DCDC1: variants seen among roughly 807,000 people sequenced by gnomAD.
DCDC1 encodes doublecortin domain-containing protein 1.
In DCDC1, 200 loss-of-function variants were observed where a neutral mutation model predicts 178.3. That is an observed-to-expected ratio of 1.12 (90% confidence interval 1.00 to 1.26). DCDC1 has a LOEUF of 1.26. DCDC1 is among the 50% of genes most tolerant of loss of function. DCDC1 has a pLI of 0.00. For missense variants in DCDC1, 1,983 were observed against 1,749.2 expected (o/e 1.13, Z -2.38); for synonymous variants, 690 against 604.8 (o/e 1.14, Z -2.07).
intron 33 of DCDC1, 87 bp from the exon 34 acceptor site, chr11:30,899,729 A>G (rs1267736839): frequency 2.2e-5 from 21 of 948,224 alleles, no homozygotes; most frequent in Non-Finnish European, 3.1e-5. Flanking sequence ...GCTCAAAGAA[A>G]TAGATTCAAT....
At chr11:31,359,236 A>G (rs1031448932) in intron 1 of DCDC1, among the ~76,000 whole-genome samples, 1 of 152,206 alleles carries the variant, frequency 6.6e-6, no homozygotes, top group Non-Finnish European at 1.5e-5. Flanking sequence ...CATATACACC[A>G]TGGAATACTA....
chr11:31,183,557 T>C (rs1241543769), intron 9 of DCDC1, among the ~76,000 whole-genome samples: 2 of 152,174 alleles, frequency 1.3e-5, no homozygotes, highest in Non-Finnish European at 2.9e-5. Context: ...GCCCAAAATC[T>C]CCTTAAGCTG....
At chr11:31,106,414 C>CA (rs202216025) in intron 13 of DCDC1, among the ~76,000 whole-genome samples, 7 of 151,786 alleles carry the variant, frequency 4.6e-5, no homozygotes, top group East Asian at 1.9e-4. Flanking sequence ...TAAAAAGGGA[C>CA]AAAAAAAATA....
chr11:31,061,690 T>C (rs1955929767), intron 20 of DCDC1, among the ~76,000 whole-genome samples: 1 of 152,166 alleles, frequency 6.6e-6, no homozygotes, highest in African/African-American at 2.4e-5. Context: ...AAAGATTTAC[T>C]AGTCAATTCC....
At chr11:30,980,046 G>C (rs1418648071) in intron 20 of DCDC1, among the ~76,000 whole-genome samples, 3 of 152,142 alleles carry the variant, frequency 2.0e-5, no homozygotes, top group Non-Finnish European at 4.4e-5. Context: ...ATTTGTCACA[G>C]CTTGATATTG....
intron 1 of DCDC1, among the ~76,000 whole-genome samples, chr11:31,362,438 G>A (rs1257930131): frequency 6.6e-6 from 1 of 152,088 alleles, no homozygotes; most frequent in Non-Finnish European, 1.5e-5. Context: ...ATCAGACAAG[G>A]TAGTAATTTA....
intron 20 of DCDC1, among the ~76,000 whole-genome samples, chr11:31,018,494 T>A (rs1387169517): frequency 6.6e-6 from 1 of 152,210 alleles, no homozygotes. Flanking sequence ...CGTCCTTTTA[T>A]GTTTGCTACA....
chr11:30,922,561 C>T lies in DCDC1; in HGVS notation c.3075G>A (p.Arg1025=), dbSNP rs1269312618. ...IAQQKKQIFL[R]NLESDIAKIQ... Reference sequence around the variant, plus strand: ...TTTTGGCAATGTCTGATTCTAGGTTCCTCAGGAATATTTGTTTCTTTTGCT... The same window carrying T: ...TTTTGGCAATGTCTGATTCTAGGTTTCTCAGGAATATTTGTTTCTTTTGCT... The change falls in exon 24 of 39, where the codon AGG becomes AGA. Residue 1025 remains arginine (R), a synonymous_variant. Transcript: ENST00000684477. 2 of 1,585,752 alleles carry T rather than the reference C, an allele frequency of 1.3e-6. No homozygotes were observed. The highest frequency in any genetic ancestry group is 1.4e-5 in the African/African-American group (1 of 72,872).
chr11:30,998,091 C>T (rs189867935), intron 20 of DCDC1, among the ~76,000 whole-genome samples: 4 of 151,890 alleles, frequency 2.6e-5, no homozygotes, highest in African/African-American at 4.8e-5. Context: ...CCCAGGAGGT[C>T]GAGACCAGTC....
intron 21 of DCDC1, among the ~76,000 whole-genome samples, chr11:30,934,159 C>T (rs1947113805): frequency 6.6e-6 from 1 of 152,076 alleles, no homozygotes; most frequent in South Asian, 2.1e-4. Context: ...AATAGTTGAC[C>T]ACCAGAAGAG....
intron 1 of DCDC1, among the ~76,000 whole-genome samples, chr11:31,357,432 G>T (rs1311819931): frequency 6.6e-6 from 1 of 150,640 alleles, no homozygotes; most frequent in East Asian, 1.9e-4. Context: ...TTGATGGGAC[G>T]TATCTCAAAA....
chr11:30,997,786 T>C (rs1951349806), intron 20 of DCDC1, among the ~76,000 whole-genome samples: 1 of 151,512 alleles, frequency 6.6e-6, no homozygotes, highest in South Asian at 2.1e-4. Flanking sequence ...TAAACTCATG[T>C]TTATTTTACC....
chr11:30,926,121 C>T (rs1478974635), intron 22 of DCDC1, among the ~76,000 whole-genome samples: 1 of 152,152 alleles, frequency 6.6e-6, no homozygotes, highest in African/African-American at 2.4e-5. Flanking sequence ...GTAGGTGCTG[C>T]CATAGGCACC....
At chr11:30,935,797 C>A (rs1347108953) in intron 21 of DCDC1, among the ~76,000 whole-genome samples, 2 of 152,164 alleles carry the variant, frequency 1.3e-5, no homozygotes, top group African/African-American at 4.8e-5. Flanking sequence ...CGTGATCCGC[C>A]CGCCTCGGCC....
intron 36 of DCDC1, among the ~76,000 whole-genome samples, chr11:30,884,748 A>G (rs999712180): frequency 6.6e-6 from 1 of 152,072 alleles, no homozygotes; most frequent in East Asian, 1.9e-4. Flanking sequence ...AAAAGTATAC[A>G]TAAGTCTTTT....
chr11:31,096,698 T>TAA (rs543052944), intron 15 of DCDC1, among the ~76,000 whole-genome samples: 2 of 143,890 alleles, frequency 1.4e-5, no homozygotes, highest in African/African-American at 2.5e-5. Flanking sequence ...ATTGTGTTAT[T>TAA]AAAAAAAAAA....
At chr11:31,155,500 T>C (rs1237747043) in intron 9 of DCDC1, among the ~76,000 whole-genome samples, 1 of 152,228 alleles carries the variant, frequency 6.6e-6, no homozygotes, top group Non-Finnish European at 1.5e-5. Flanking sequence ...TTGAATTCTT[T>C]TTATGTCACA....
At chr11:31,166,877 A>G (rs751695957) in intron 9 of DCDC1, among the ~76,000 whole-genome samples, 1 of 152,132 alleles carries the variant, frequency 6.6e-6, no homozygotes, top group Non-Finnish European at 1.5e-5. Context: ...TGGAATATAC[A>G]TGATGATTAG....
chr11:31,038,808 T>A (rs1954246454), intron 20 of DCDC1, among the ~76,000 whole-genome samples: 1 of 151,944 alleles, frequency 6.6e-6, no homozygotes, highest in African/African-American at 2.4e-5. Context: ...GGGGAACAAT[T>A]CTATTGTTGG....
Sources: gnomAD v4.1 joint callset for allele counts (sites outside exome capture counted in the v4.1 genomes callset) on GRCh38, gnomAD v4.1.1 for gene constraint, MANE v1.5 for transcripts, NCBI Gene and HGNC (gene_info 2026-07-23, HGNC 2026-07-21) for gene names.